FGF12: variants seen among roughly 807,000 people sequenced by gnomAD.
The protein encoded by FGF12 is fibroblast growth factor 12B.
Under a neutral mutation model 23.6 loss-of-function variants are expected in FGF12, and 14 were observed. The ratio of observed to expected loss-of-function variants is 0.59; its 90% CI spans 0.39 to 0.93. The LOEUF (loss-of-function observed/expected upper bound fraction) is 0.93. Ranked by LOEUF, FGF12 falls within the 40% of genes least tolerant of loss-of-function variation. FGF12 has a pLI of 0.00. For synonymous variants in FGF12, 62 were observed against 77.3 expected, an observed-to-expected ratio of 0.80 and a Z score of 1.04; for missense variants, 175 against 217.8, an observed-to-expected ratio of 0.80 and a Z score of 1.24.
chr3:192,335,566 T>C (rs887404801), intron 3 of FGF12, 102 bp from the exon 4 acceptor site: 1 of 748,638 alleles, frequency 1.3e-6, no homozygotes, highest in Non-Finnish European at 2.3e-6. Flanking sequence ...TAATTGAACT[T>C]GGTAGAAAAA....
chr3:192,191,455 G>A (rs1332412474), intron 4 of FGF12, among the ~76,000 whole-genome samples: 1 of 152,146 alleles, frequency 6.6e-6, no homozygotes, highest in Non-Finnish European at 1.5e-5. Context: ...TGATAATGTG[G>A]AGGCTATGCA....
chr3:192,354,986 A>T (rs1000494585), intron 3 of FGF12, among the ~76,000 whole-genome samples: 24 of 152,260 alleles, frequency 1.6e-4, no homozygotes, highest in Non-Finnish European at 7.3e-5. Context: ...CTGGGATTAC[A>T]GGCGTCAGCC....
In FGF12 at chr3:192,143,098, G is replaced by T. The variant is rs1252180698; in HGVS notation, c.*911C>A. ...CATTGCTTTGTGGATACTCTCAAAG[G>T]TGTCCACAAAGCAAAAAAATCAGAC... On this transcript the variant is annotated 3_prime_UTR_variant, in exon 6 of 6. Transcript: ENST00000445105. The T allele has an allele frequency of 6.6e-6, 1 of 151,442 alleles. No individual in the cohort carries two copies. The highest frequency in any genetic ancestry group is 1.5e-5 in the Non-Finnish European group (1 of 67,832). The allele number at this position is 151,442 out of a possible 1,614,324, so 9.4% of individuals were successfully genotyped here. A position where few individuals can be genotyped will look rare whatever the true frequency, so the allele number is the denominator to read the frequency against.
At chr3:192,447,941 T>A (rs1722407575) in intron 2 of FGF12, among the ~76,000 whole-genome samples, 1 of 152,216 alleles carries the variant, frequency 6.6e-6, no homozygotes, top group South Asian at 2.1e-4. Context: ...TTTAGCACCA[T>A]AAATTCGTTT....
intron 4 of FGF12, among the ~76,000 whole-genome samples, chr3:192,205,616 T>C (rs1717607530): frequency 6.6e-6 from 1 of 152,194 alleles, no homozygotes; most frequent in Non-Finnish European, 1.5e-5. Context: ...GTCCTGTTGG[T>C]GTAGGCAGAG....
At chr3:192,297,460 G>T (rs1285496234) in intron 4 of FGF12, among the ~76,000 whole-genome samples, 1 of 152,142 alleles carries the variant, frequency 6.6e-6, no homozygotes, top group South Asian at 2.1e-4. Context: ...CATATCTAAA[G>T]AAAAGAATAT....
At chr3:192,161,439 TACAC>T (rs764635155) in intron 5 of FGF12, among the ~76,000 whole-genome samples, 113 of 151,246 alleles carry the variant, frequency 7.5e-4, no homozygotes, top group Non-Finnish European at 1.3e-3. Flanking sequence ...TACACACAAA[TACAC>T]ACACACACAC....
At position 192,409,074 on chromosome 3, in the gene FGF12, G is replaced by C. The variant is rs1576960121; in HGVS notation, c.14-48536C>G. ...TGCAAAGAGAGCGGGAGGCGAGGGA[G>C]GGGGGAGGGCGCGAGGGAGGGAGGG... On this transcript the variant is annotated intron_variant, in intron 2 of 5. Coordinates refer to ENST00000445105, the MANE Select transcript of FGF12 (RefSeq NM_004113.6). This position sits in a 1 kb window ranked among gnomAD's most constrained non-coding sequence, Gnocchi z 4.8. 1.5e-5 allele frequency: 13 copies of C among 853,974 alleles called. No individual in the cohort carries two copies. The highest frequency in any genetic ancestry group is 1.8e-5 in the Non-Finnish European group (13 of 710,290). 52.9% of individuals were successfully genotyped at this position (853,974 alleles called of 1,614,324 possible).
At chr3:192,332,642 C>A (rs777566811) in intron 4 of FGF12, among the ~76,000 whole-genome samples, 1 of 152,076 alleles carries the variant, frequency 6.6e-6, no homozygotes, top group Non-Finnish European at 1.5e-5. Context: ...AAGGGAATTA[C>A]TTCCTATTAA....
At chr3:192,335,053 A>G (rs1017540628) in intron 4 of FGF12, among the ~76,000 whole-genome samples, 2 of 152,170 alleles carry the variant, frequency 1.3e-5, no homozygotes, top group African/African-American at 4.8e-5. Flanking sequence ...TAACAAGAGA[A>G]AAGAAAAATG....
At chr3:192,188,092 C>A (rs1716587336) in intron 4 of FGF12, among the ~76,000 whole-genome samples, 1 of 152,090 alleles carries the variant, frequency 6.6e-6, no homozygotes, top group Non-Finnish European at 1.5e-5. Context: ...ATTTATTCAT[C>A]AATGTATTAT....
intron 4 of FGF12, among the ~76,000 whole-genome samples, chr3:192,310,401 T>C (rs78913482): frequency 0.037 from 5,709 of 152,278 alleles, 342 homozygotes; most frequent in African/African-American, 0.13. Flanking sequence ...TATAAAGATT[T>C]CTATGGGCTT....
At chr3:192,504,401 G>A (rs1373547177) in intron 2 of FGF12, among the ~76,000 whole-genome samples, 5 of 152,356 alleles carry the variant, frequency 3.3e-5, no homozygotes, top group South Asian at 2.1e-4. Flanking sequence ...CACTGTAAGA[G>A]TTAACATTTG....
intron 4 of FGF12, among the ~76,000 whole-genome samples, chr3:192,180,343 G>C (rs1242533162): frequency 6.6e-6 from 1 of 152,140 alleles, no homozygotes; most frequent in Non-Finnish European, 1.5e-5. Context: ...TAACTTCCAG[G>C]AGCTTCAATG....
At chr3:192,487,933 G>A (rs1373983349) in intron 2 of FGF12, among the ~76,000 whole-genome samples, 6 of 152,204 alleles carry the variant, frequency 3.9e-5, no homozygotes, top group Non-Finnish European at 7.4e-5. Context: ...ATATTTTGTT[G>A]AGTAGGAATG....
At chr3:192,185,685 C>T (rs2108639870) in intron 4 of FGF12, among the ~76,000 whole-genome samples, 1 of 151,932 alleles carries the variant, frequency 6.6e-6, no homozygotes, top group Non-Finnish European at 1.5e-5. Flanking sequence ...CATGGTGAAA[C>T]CCCATCTCTA....
At chr3:192,268,738 AC>A (rs1348344527) in intron 4 of FGF12, 6 of 443,848 alleles carry the variant, frequency 1.4e-5, no homozygotes, top group African/African-American at 2.0e-5. Context: ...TTCCTGTAAA[AC>A]CTGCAGAACT....
intron 4 of FGF12, among the ~76,000 whole-genome samples, chr3:192,195,784 G>GCA (rs548033614): frequency 6.6e-5 from 10 of 151,110 alleles, no homozygotes; most frequent in Middle Eastern, 3.4e-3. Flanking sequence ...ACACACACAC[G>GCA]CACACACACA....
chr3:192,708,402 A>G lies in FGF12; in HGVS notation c.13+18779T>C, dbSNP rs182927193. On this transcript the variant is annotated intron_variant, in intron 2 of 5. Transcript: ENST00000445105. Reference sequence around the variant, plus strand: ...TTAGCTACTTTATGCCTCAGATATAATGAAAAGTGCTATAAAAATTAAATA... The same window carrying G: ...TTAGCTACTTTATGCCTCAGATATAGTGAAAAGTGCTATAAAAATTAAATA... 1.1e-4 allele frequency among the ~76,000 whole-genome samples: 17 copies of G among 152,342 alleles called. 1 individual carries two copies. The East Asian group carries it at 2.9e-3, about 26-fold the overall frequency.
Sources: allele counts gnomAD v4.1 joint callset (sites outside exome capture counted in the v4.1 genomes callset), GRCh38; gene constraint gnomAD v4.1.1; non-coding constraint Gnocchi (gnomAD v3.1); transcripts MANE v1.5; gene names NCBI Gene and HGNC (gene_info 2026-07-23, HGNC 2026-07-21).